RALYL: variants seen among roughly 807,000 people sequenced by gnomAD.
RALYL encodes RNA-binding Raly-like protein.
A neutral mutation model predicts 35.1 loss-of-function variants in RALYL; 29 were observed. The ratio of observed to expected loss-of-function variants is 0.83; its 90% CI spans 0.61 to 1.13. The LOEUF (loss-of-function observed/expected upper bound fraction) is 1.13. RALYL is among the 50% of genes most tolerant of loss of function. The probability of loss-of-function intolerance (pLI) is 0.00; values close to 1 mark genes in which losing one functional copy is unlikely to be tolerated. For missense variants in RALYL, 359 were observed against 360.4 expected (o/e 1.00, Z 0.03); for synonymous variants, 120 against 127.6 (o/e 0.94, Z 0.40).
chr8:84,853,080 T>C (rs1205741311), intron 5 of RALYL, among the ~76,000 whole-genome samples: 1 of 152,214 alleles, frequency 6.6e-6, no homozygotes, highest in East Asian at 1.9e-4. Context: ...TGGGCCTGAG[T>C]CTGTTTAGTA....
intron 4 of RALYL, among the ~76,000 whole-genome samples, chr8:84,810,885 C>T (rs1235755283): frequency 6.6e-6 from 1 of 151,986 alleles, no homozygotes; most frequent in Non-Finnish European, 1.5e-5. Flanking sequence ...TGAGTCCTTA[C>T]GTATTAGGTG....
At chr8:84,322,758 A>G (rs578140125) in intron 1 of RALYL, among the ~76,000 whole-genome samples, 1 of 152,122 alleles carries the variant, frequency 6.6e-6, no homozygotes, top group African/African-American at 2.4e-5. Flanking sequence ...CTCAGGTCCT[A>G]TTTCTCATCA....
intron 2 of RALYL, among the ~76,000 whole-genome samples, chr8:84,717,463 G>T (rs1451569517): frequency 1.3e-5 from 2 of 149,892 alleles, no homozygotes; most frequent in Non-Finnish European, 2.9e-5. Flanking sequence ...TATACTTCAA[G>T]CCAAATTAAC....
At chr8:84,738,497 G>A (rs1847721583) in intron 2 of RALYL, among the ~76,000 whole-genome samples, 1 of 151,922 alleles carries the variant, frequency 6.6e-6, no homozygotes. Flanking sequence ...TGCATCACTG[G>A]CAGAAATACT....
At chr8:84,723,967 G>GC (rs1844469665) in intron 2 of RALYL, among the ~76,000 whole-genome samples, 1 of 151,554 alleles carries the variant, frequency 6.6e-6, no homozygotes, top group South Asian at 2.1e-4. Context: ...TGTTACCTTT[G>GC]CATCACCTTA....
intron 1 of RALYL, among the ~76,000 whole-genome samples, chr8:84,296,934 C>A (rs889163273): frequency 6.6e-6 from 1 of 151,354 alleles, no homozygotes; most frequent in Non-Finnish European, 1.5e-5. Flanking sequence ...TGAGAGAGAG[C>A]TGAATAAGCA....
chr8:84,647,167 A>C (rs1318912408), intron 2 of RALYL, among the ~76,000 whole-genome samples: 2 of 152,104 alleles, frequency 1.3e-5, no homozygotes, highest in Non-Finnish European at 2.9e-5. Flanking sequence ...GGAGGTGAAC[A>C]GAGAAGATGT....
At position 84,438,387 on chromosome 8, in the gene RALYL, T is replaced by C. The variant is rs201192087; in HGVS notation, c.-23-90912T>C. Among the ~76,000 whole-genome samples, 17 of 25,404 alleles carry C rather than the reference T, an allele frequency of 6.7e-4. No individual in the cohort carries two copies. The East Asian group carries it at 0.015, about 22-fold the overall frequency. 16.7% of individuals were successfully genotyped at this position (25,404 alleles called of 152,430 possible). On this transcript the variant is annotated intron_variant, in intron 1 of 8. Transcript: ENST00000521268. ...TTTTCTTCTAGGATTATTTTACTTA[T>C]TTATTTATTTATTTATTTAGAGACA...
chr8:84,862,388 G>T lies in RALYL; in HGVS notation c.506G>T (p.Gly169Val). ...PRVAVTTTRR[G>V]KGVFSMKGGS... Reference sequence around the variant, plus strand: ...GTGGCAGTCACAACGACTCGCAGGGGGAAAGGAGTCTTTTCCATGAAAGGT... The same window carrying T: ...GTGGCAGTCACAACGACTCGCAGGGTGAAAGGAGTCTTTTCCATGAAAGGT... Residue 169 changes from glycine (G) to valine (V), a missense_variant, in exon 6 of 9, where the codon GGG becomes GTG. Gly to Val is a moderately radical substitution (Grantham distance 109, BLOSUM62 -3). Coordinates refer to ENST00000521268, the MANE Select transcript of RALYL (RefSeq NM_173848.7). 1 of 1,607,374 alleles carries T rather than the reference G, an allele frequency of 6.2e-7. No homozygotes were observed.
intron 1 of RALYL, among the ~76,000 whole-genome samples, chr8:84,489,172 G>C (rs1480388098): frequency 2.0e-5 from 3 of 151,912 alleles, no homozygotes; most frequent in African/African-American, 7.3e-5. Context: ...TATCTTTACA[G>C]TGTAATCTTA....
chr8:84,749,521 C>A (rs1366683751), intron 2 of RALYL, among the ~76,000 whole-genome samples: 1 of 152,102 alleles, frequency 6.6e-6, no homozygotes, highest in Non-Finnish European at 1.5e-5. Context: ...AAGAGGTAAA[C>A]CTAAACATCA....
At chr8:84,615,689 C>T (rs1279976687) in intron 2 of RALYL, among the ~76,000 whole-genome samples, 1 of 137,400 alleles carries the variant, frequency 7.3e-6, no homozygotes, top group East Asian at 2.2e-4. Flanking sequence ...TGGTGCGCTG[C>T]ACCCACTAAC....
At chr8:84,228,877 G>T (rs1824634935) in intron 1 of RALYL, among the ~76,000 whole-genome samples, 1 of 152,130 alleles carries the variant, frequency 6.6e-6, no homozygotes, top group Non-Finnish European at 1.5e-5. Flanking sequence ...TCACTATCAT[G>T]AGAACAGTAC....
intron 2 of RALYL, among the ~76,000 whole-genome samples, chr8:84,555,017 A>G (rs2061000082): frequency 6.6e-6 from 1 of 152,184 alleles, no homozygotes; most frequent in Admixed American, 6.5e-5. Flanking sequence ...ACAGTGGCTC[A>G]CGCCTGTAAT....
intron 1 of RALYL, among the ~76,000 whole-genome samples, chr8:84,503,361 T>C (rs1264545679): frequency 6.6e-6 from 1 of 151,530 alleles, no homozygotes; most frequent in East Asian, 1.9e-4. Flanking sequence ...TATCACTATG[T>C]TGCCCAGGCT....
Position 84,736,357 on chromosome 8 carries a change from G to C in RALYL, c.257-38222G>C, listed in dbSNP as rs143553647. ...AAAAATCATCTTCTCTTTCTAGTAA[G>C]TATAATTTGGGGGATGACTGGAAAC... On this transcript the variant is annotated intron_variant, in intron 2 of 8. Transcript: ENST00000521268. 2.1e-3 allele frequency among the ~76,000 whole-genome samples: 312 copies of C among 152,190 alleles called. 1 individual carries two copies. Among genetic ancestry groups the C allele is most frequent in the African/African-American group, 7.3e-3 (302 of 41,564 alleles).
At chr8:84,774,690 G>C (rs1816410443) in intron 3 of RALYL, 36 bp downstream of exon 3, 1 of 1,426,588 alleles carries the variant, frequency 7.0e-7, no homozygotes. Flanking sequence ...CTATATATTA[G>C]TGAAATTTTC....
chr8:84,228,850 A>C (rs1252784286), intron 1 of RALYL, among the ~76,000 whole-genome samples: 5 of 152,262 alleles, frequency 3.3e-5, no homozygotes, highest in South Asian at 4.1e-4. Flanking sequence ...AAACCATCAG[A>C]TCTCCGGAAA....
intron 5 of RALYL, among the ~76,000 whole-genome samples, chr8:84,859,075 AC>A (rs1837604407): frequency 6.6e-6 from 1 of 152,120 alleles, no homozygotes; most frequent in Non-Finnish European, 1.5e-5. Flanking sequence ...ATGAAAGTAT[AC>A]TCCACAGGGT....
Sources: allele counts gnomAD v4.1 joint callset (sites outside exome capture counted in the v4.1 genomes callset), GRCh38; gene constraint gnomAD v4.1.1; transcripts MANE v1.5; gene names NCBI Gene and HGNC (gene_info 2026-07-23, HGNC 2026-07-21).